Variants in CASP6 observed in about 807,000 individuals in gnomAD.
CASP6 encodes caspase-6.
CASP6 carries 20 observed loss-of-function variants against 31.8 expected under a neutral mutation model. The observed-to-expected ratio is 0.63, with a 90% confidence interval of 0.44 to 0.91. CASP6 has a LOEUF of 0.91. Among genes scored for constraint, CASP6 ranks in the 40% least tolerant of loss-of-function variants. CASP6 has a pLI of 0.00. For missense variants in CASP6, 328 were observed against 361.1 expected, an observed-to-expected ratio of 0.91 and a Z score of 0.74; for synonymous variants, 130 against 127.8, an observed-to-expected ratio of 1.02 and a Z score of -0.12.
chr4:109,700,582 AT>A (rs201776441), intron 1 of CASP6, among the ~76,000 whole-genome samples: 14 of 150,104 alleles, frequency 9.3e-5, no homozygotes, highest in Admixed American at 7.3e-4. Flanking sequence ...TCAGTGAGGG[AT>A]TTTTTTTTTA....
upstream of CASP6, among the ~76,000 whole-genome samples, chr4:109,706,922 AT>A (rs753214163): frequency 2.0e-5 from 3 of 152,108 alleles, no homozygotes; most frequent in Non-Finnish European, 4.4e-5. Context: ...AAACAAAAAA[AT>A]GAAGCAAACT....
At chr4:109,682,910 G>T in the CASP6 span, 7 of 560,652 alleles carry the variant, frequency 1.2e-5, no homozygotes, top group Admixed American at 2.3e-4. Context: ...TTTCAGATGA[G>T]GAAACTGAGC....
At chr4:109,697,920 A>C in intron 2 of CASP6, 152 bp from the exon 3 acceptor site, 1 of 819,100 alleles carries the variant, frequency 1.2e-6, no homozygotes, top group Non-Finnish European at 1.9e-6. Flanking sequence ...CATGCTAATA[A>C]GGAAAGTCCT....
intron 6 of CASP6, among the ~76,000 whole-genome samples, chr4:109,689,847 AAAG>A (rs1399581004): frequency 1.3e-5 from 2 of 152,194 alleles, no homozygotes; most frequent in Admixed American, 6.5e-5. Flanking sequence ...AGATTACTAA[AAAG>A]AAGTCAAAAT....
At chr4:109,698,641 C>G (rs749311011) in intron 1 of CASP6, among the ~76,000 whole-genome samples, 1 of 152,194 alleles carries the variant, frequency 6.6e-6, no homozygotes, top group Non-Finnish European at 1.5e-5. Context: ...AGTAACAGTT[C>G]TGTGATTACG....
the CASP6 span, among the ~76,000 whole-genome samples, chr4:109,709,059 G>C: frequency 6.6e-6 from 1 of 152,298 alleles, no homozygotes; most frequent in East Asian, 1.9e-4. Context: ...ATCTATTCCA[G>C]AGTTTTTGAG....
At chr4:109,701,859 C>A (rs1730430667) in intron 1 of CASP6, among the ~76,000 whole-genome samples, 1 of 152,138 alleles carries the variant, frequency 6.6e-6, no homozygotes, top group African/African-American at 2.4e-5. Context: ...TGAAAGCCAG[C>A]CCACCTACAG....
At chr4:109,705,450 G>A (rs1241174970), upstream of CASP6, among the ~76,000 whole-genome samples, 1 of 152,114 alleles carries the variant, frequency 6.6e-6, no homozygotes, top group Non-Finnish European at 1.5e-5. Context: ...CTGAAGCCCA[G>A]GGATCAAGGA....
chr4:109,679,267 A>C, the CASP6 span, among the ~76,000 whole-genome samples: 1 of 152,226 alleles, frequency 6.6e-6, no homozygotes, highest in Non-Finnish European at 1.5e-5. Flanking sequence ...AGAGGCTGTA[A>C]TCTTAGCACT....
chr4:109,676,737 A>C, the CASP6 span, among the ~76,000 whole-genome samples: 2 of 152,254 alleles, frequency 1.3e-5, no homozygotes, highest in African/African-American at 2.4e-5. Flanking sequence ...TTTCATATCC[A>C]AGGACTTTAT....
the CASP6 span, among the ~76,000 whole-genome samples, chr4:109,682,174 A>T: frequency 6.6e-6 from 1 of 152,260 alleles, no homozygotes; most frequent in Non-Finnish European, 1.5e-5. Context: ...TAGGAAATCC[A>T]GCTAGTTCTG....
chr4:109,703,872 T>C (rs1730518611), upstream of CASP6, among the ~76,000 whole-genome samples: 1 of 152,238 alleles, frequency 6.6e-6, no homozygotes, highest in Non-Finnish European at 1.5e-5. Flanking sequence ...AGATACTGCC[T>C]GTATTTCAAC....
At position 109,694,708 on chromosome 4, in the gene CASP6, G is replaced by T. The variant is rs1310647511; in HGVS notation, c.308-8C>A. The T allele has an allele frequency of 6.5e-7, 1 of 1,536,830 alleles. No homozygotes were observed. Among genetic ancestry groups the T allele is most frequent in the African/African-American group, 1.4e-5 (1 of 71,558 alleles). ...CGTGGCTAACAGTTGACACTATAAA[G>T]GACCCAAAAGAGAATATAGAAATGA... On this transcript the variant is annotated splice_region_variant and splice_polypyrimidine_tract_variant and intron_variant, in intron 4 of 6. Coordinates refer to ENST00000265164, the MANE Select transcript of CASP6 (RefSeq NM_001226.4).
At chr4:109,676,630 T>C in the CASP6 span, among the ~76,000 whole-genome samples, 1 of 152,244 alleles carries the variant, frequency 6.6e-6, no homozygotes, top group Non-Finnish European at 1.5e-5. Context: ...GTATTTGTTA[T>C]AGCAGTAACT....
chr4:109,705,305 G>A (rs1730564623), upstream of CASP6, among the ~76,000 whole-genome samples: 1 of 152,152 alleles, frequency 6.6e-6, no homozygotes, highest in African/African-American at 2.4e-5. Context: ...GCCCACTGTT[G>A]AGCTCTAGTG....
intron 3 of CASP6, among the ~76,000 whole-genome samples, chr4:109,696,946 C>A (rs975705591): frequency 6.6e-6 from 1 of 151,906 alleles, no homozygotes; most frequent in Non-Finnish European, 1.5e-5. Context: ...CCACCACGCC[C>A]GGCTAATTTT....
chr4:109,670,726 AAAAAAG>A, the CASP6 span, among the ~76,000 whole-genome samples: 19 of 152,150 alleles, frequency 1.2e-4, no homozygotes, highest in South Asian at 4.1e-4. Context: ...CTCCAAAAAA[AAAAAAG>A]AAAAAGAAAA....
At chr4:109,693,112 T>C (rs1730126975) in intron 5 of CASP6, among the ~76,000 whole-genome samples, 1 of 152,096 alleles carries the variant, frequency 6.6e-6, no homozygotes, top group African/African-American at 2.4e-5. Context: ...CCCTTGGCAC[T>C]CTCTTGCTCC....
At chr4:109,685,266 G>T, downstream of CASP6, 1 of 1,429,928 alleles carries the variant, frequency 7.0e-7, no homozygotes, top group Non-Finnish European at 9.9e-7. Context: ...TACTTACTCA[G>T]CTGTTAAGAG....
Sources: gnomAD v4.1 joint callset for allele counts (sites outside exome capture counted in the v4.1 genomes callset) on GRCh38, gnomAD v4.1.1 for gene constraint, MANE v1.5 for transcripts, NCBI Gene and HGNC (gene_info 2026-07-23, HGNC 2026-07-21) for gene names.